Variants in GRHPR observed in about 807,000 individuals in gnomAD.
The protein encoded by GRHPR is glyoxylate reductase/hydroxypyruvate reductase.
Under a neutral mutation model 36.8 loss-of-function variants are expected in GRHPR, and 35 were observed. The observed-to-expected ratio is 0.95, with a 90% CI of 0.73 to 1.26. The LOEUF is 1.26. GRHPR is among the 50% of genes most tolerant of loss of function. GRHPR has a pLI of 0.00. For synonymous variants in GRHPR, 179 were observed against 181.0 expected (o/e 0.99, Z 0.09); for missense variants, 380 against 435.0 (o/e 0.87, Z 1.12).
chr9:37,433,822 T>C (rs1672168929), intron 8 of GRHPR: 1 of 377,938 alleles, frequency 2.6e-6, no homozygotes, highest in Non-Finnish European at 4.7e-6. Flanking sequence ...CTAAGAGTGA[T>C]CAGGGCCTTA....
chr9:37,426,542 A>T lies in GRHPR; in HGVS notation c.292A>T (p.Ile98Phe), dbSNP rs374332294. The change falls in exon 4 of 9, where the codon ATC becomes TTC. Residue 98 changes from isoleucine to phenylalanine, a missense_variant. By Grantham distance (21) the Ile-to-Phe change is conservative. Transcript: ENST00000318158. ...CACCAGATGTCTGATTCGTAGTGGG[A>T]TCCGAGTTGGCTACACCCCAGATGT... ...LALDEIKKRG[I>F]RVGYTPDVLT... 1.1e-5 allele frequency: 17 copies of T among 1,600,104 alleles called. No individual in the cohort carries two copies. The highest frequency in any genetic ancestry group is 1.5e-5 in the Non-Finnish European group (17 of 1,167,320).
intron 8 of GRHPR, 142 bp from the exon 9 acceptor site, chr9:37,436,519 T>TG: frequency 3.4e-6 from 3 of 879,516 alleles, no homozygotes; most frequent in Non-Finnish European, 5.7e-6. Context: ...TTAGTGAAGG[T>TG]GGGAGAGAAG....
intron 8 of GRHPR, chr9:37,434,716 A>G: frequency 6.4e-6 from 1 of 155,226 alleles, no homozygotes; most frequent in Non-Finnish European, 1.4e-5. Flanking sequence ...GTACGAAATA[A>G]CATATTTTGA....
intron 7 of GRHPR, 177 bp downstream of exon 7, chr9:37,430,823 A>T (rs1823328052): frequency 1.4e-6 from 1 of 708,950 alleles, no homozygotes; most frequent in Non-Finnish European, 2.6e-6. Flanking sequence ...CCGTACAGGG[A>T]AGAAGAGCCG....
chr9:37,437,597 G>C (rs1446743342), downstream of GRHPR, among the ~76,000 whole-genome samples: 1 of 152,060 alleles, frequency 6.6e-6, no homozygotes, highest in Non-Finnish European at 1.5e-5. Flanking sequence ...AGAGGTAGGT[G>C]GGTTTAATTT....
intron 4 of GRHPR, 122 bp from the exon 5 acceptor site, chr9:37,428,362 C>A: frequency 1.4e-6 from 1 of 731,178 alleles, no homozygotes; most frequent in African/African-American, 1.7e-5. Flanking sequence ...TCATCCCACT[C>A]TCAGTCCGTG....
downstream of GRHPR, among the ~76,000 whole-genome samples, chr9:37,437,485 C>A (rs915015155): frequency 2.6e-5 from 4 of 152,020 alleles, no homozygotes; most frequent in Admixed American, 2.0e-4. Flanking sequence ...AATCTTGATA[C>A]CTAGACCATC....
At chr9:37,425,091 G>A in intron 2 of GRHPR, 116 bp downstream of exon 2, 1 of 1,042,532 alleles carries the variant, frequency 9.6e-7, no homozygotes, top group Non-Finnish European at 1.4e-6. Context: ...GGCGTTTCCT[G>A]CGATACCAGG....
intron 4 of GRHPR, 105 bp from the exon 5 acceptor site, chr9:37,428,379 A>AGGGT: frequency 1.4e-6 from 1 of 731,462 alleles, no homozygotes; most frequent in East Asian, 2.7e-5. Flanking sequence ...CGTGACCTGG[A>AGGGT]GGGTGGGTTT....
chr9:37,423,686 G>A (rs1032232468), intron 1 of GRHPR, among the ~76,000 whole-genome samples: 1 of 151,784 alleles, frequency 6.6e-6, no homozygotes, highest in Non-Finnish European at 1.5e-5. Flanking sequence ...TGTTGCCCAG[G>A]CTGGTCCTGA....
chr9:37,431,715 G>A, intron 7 of GRHPR: 1 of 372,118 alleles, frequency 2.7e-6, no homozygotes, highest in Non-Finnish European at 5.2e-6. Context: ...CAACATGCCT[G>A]GGAGTTAGGT....
At chr9:37,429,571 G>A (rs1266011048) in intron 5 of GRHPR, 161 bp from the exon 6 acceptor site, 1 of 715,010 alleles carries the variant, frequency 1.4e-6, no homozygotes, top group African/African-American at 1.7e-5. Flanking sequence ...AGTTACAGTG[G>A]GGCAGCCAGC....
At position 37,430,807 on chromosome 9, in the gene GRHPR, A is replaced by G. The variant is rs534468644; in HGVS notation, c.734+161A>G. On this transcript the variant is annotated intron_variant, in intron 7 of 8. Transcript: ENST00000318158. ...ACTCAGAAATTCGTGGGAATACACG[A>G]GACCTCCGTACAGGGAAGAAGAGCC... is the stretch of plus-strand genomic sequence containing the variant. 4.2e-5 allele frequency: 31 copies of G among 730,716 alleles called. No individual in the cohort carries two copies. In the Admixed American group the frequency reaches 5.2e-4, roughly 12 times the overall value. 45.3% of individuals were successfully genotyped at this position (730,716 alleles called of 1,614,324 possible).
At chr9:37,429,001 A>T (rs1451602152) in intron 5 of GRHPR, 3 of 339,668 alleles carry the variant, frequency 8.8e-6, no homozygotes, top group Non-Finnish European at 1.7e-5. Flanking sequence ...GCAGTTCTGC[A>T]GATGAGGCAG....
At chr9:37,427,168 C>T (rs959839005) in intron 4 of GRHPR, among the ~76,000 whole-genome samples, 1 of 152,102 alleles carries the variant, frequency 6.6e-6, no homozygotes, top group Non-Finnish European at 1.5e-5. Context: ...CAAACAAGTT[C>T]TGCTGGTGGG....
intron 8 of GRHPR, among the ~76,000 whole-genome samples, chr9:37,435,182 T>A (rs909041016): frequency 1.2e-4 from 18 of 152,206 alleles, no homozygotes; most frequent in Admixed American, 9.8e-4. Context: ...GCCTAGGAGG[T>A]TGAGGCTGTA....
chr9:37,426,004 G>C lies in GRHPR; in HGVS notation c.287+10G>C. 6.3e-7 allele frequency: 1 copy of C among 1,592,088 alleles called. No homozygotes were observed. The stretch of plus-strand genomic sequence containing the variant: ...ATGAAATCAAGAAGCGGTAACTGCA[G>C]CTTGGGATCTGGAGGGGGCCTAGAG... On this transcript the variant is annotated intron_variant, in intron 3 of 8. Transcript: ENST00000318158.
Position 37,436,901 on chromosome 9 carries a change from A to G in GRHPR, c.*119A>G. The stretch of plus-strand genomic sequence containing the variant: ...GGAAGGTGTGATTCTCTGAGGAAAG[A>G]GTGATTCTGATATATGTACTTGTCA... On this transcript the variant is annotated 3_prime_UTR_variant, in exon 9 of 9. Transcript: ENST00000318158. The G allele has an allele frequency of 9.0e-7, 1 of 1,106,734 alleles. No individual in the cohort carries two copies. The highest frequency in any genetic ancestry group is 1.4e-6 in the Non-Finnish European group (1 of 722,854). 68.6% of individuals were successfully genotyped at this position (1,106,734 alleles called of 1,614,324 possible).
At chr9:37,428,947 A>G (rs1306843342) in intron 5 of GRHPR, 2 of 378,166 alleles carry the variant, frequency 5.3e-6, no homozygotes, top group East Asian at 1.3e-4. Flanking sequence ...GTGACTCACA[A>G]AGCCCTAACT....
Sources: gnomAD v4.1 joint callset for allele counts (sites outside exome capture counted in the v4.1 genomes callset) on GRCh38, gnomAD v4.1.1 for gene constraint, MANE v1.5 for transcripts, NCBI Gene and HGNC (gene_info 2026-07-23, HGNC 2026-07-21) for gene names.